The following SP7 variants were observed in gnomAD, a reference collection of about 807,000 sequenced individuals.
The protein encoded by SP7 is transcription factor Sp7.
A neutral mutation model predicts 27.9 loss-of-function variants in SP7; 13 were observed. The ratio of observed to expected loss-of-function variants is 0.47; its 90% CI spans 0.30 to 0.74. SP7 has a LOEUF of 0.74. SP7 is among the 30% of genes least tolerant of loss of function. The pLI is 0.06. For missense variants in SP7, 525 were observed against 558.0 expected (o/e 0.94, Z 0.60); for synonymous variants, 219 against 226.7 (o/e 0.97, Z 0.31).
Position 53,328,221 on chromosome 12 carries a change from T to C in SP7, c.1221A>G (p.Arg407=), listed in dbSNP as rs769108251. ...CTGGGGTTGCTGGCGAGGCAGAAGG[T>C]CGGGGCGTCTGACTGGCCTCCTCTT... ...TGEEEASQTP[R]PSASPATPEK... Residue 407 remains arginine, a synonymous_variant, in exon 3 of 3, where the codon CGA becomes CGG. Transcript: ENST00000536324. The surrounding 1 kb of genome is among the most constrained non-coding windows in gnomAD (Gnocchi z 5.1). 19 of 1,612,866 alleles carry C rather than the reference T, an allele frequency of 1.2e-5. No homozygotes were observed. The highest frequency in any genetic ancestry group is 1.3e-5 in the African/African-American group (1 of 74,828).
chr12:53,335,700 CGGGGGGTG>C lies in SP7; in HGVS notation c.-47-15_-47-8del. On this transcript the variant is annotated splice_polypyrimidine_tract_variant and splice_region_variant and intron_variant, in intron 1 of 2. Transcript: ENST00000536324. ...GCCAGGCAGATGGAGAGAGCTGAGCCGGGGGGTGGGGGGGGTAGAGAGAGAAAAGGGAG... is the reference window on the plus strand; with the variant it reads ...GCCAGGCAGATGGAGAGAGCTGAGCCGGGGGGGTAGAGAGAGAAAAGGGAG... 9 of 117,278 alleles carry C rather than the reference CGGGGGGTG, an allele frequency of 7.7e-5. No individual in the cohort carries two copies. The highest frequency in any genetic ancestry group is 1.1e-4 in the Non-Finnish European group (9 of 82,326). The allele number at this position is 117,278 out of a possible 1,614,324, so 7.3% of individuals were successfully genotyped here.
upstream of SP7, among the ~76,000 whole-genome samples, chr12:53,340,563 C>A (rs1276773740): frequency 6.6e-6 from 1 of 152,156 alleles, no homozygotes; most frequent in Admixed American, 6.5e-5. Flanking sequence ...CCCAGGCCCC[C>A]GCTGCTCTGC....
At chr12:53,332,476 G>A (rs1442813842) in intron 2 of SP7, among the ~76,000 whole-genome samples, 1 of 152,144 alleles carries the variant, frequency 6.6e-6, no homozygotes, top group Non-Finnish European at 1.5e-5. Context: ...TCCTCAGGAG[G>A]CTGAGATGGG....
intron 2 of SP7, among the ~76,000 whole-genome samples, chr12:53,330,461 C>G (rs1039714729): frequency 6.6e-6 from 1 of 152,138 alleles, no homozygotes; most frequent in Non-Finnish European, 1.5e-5. Context: ...GGGCTCCAAG[C>G]GATCCTCCAC....
chr12:53,338,106 C>CAGAGGAGGAGGAGGAGGAGGA (rs767126357), upstream of SP7, among the ~76,000 whole-genome samples: 1 of 136,226 alleles, frequency 7.3e-6, no homozygotes, highest in Non-Finnish European at 1.6e-5. Flanking sequence ...TAGCCAGGTC[C>CAGAGGAGGAGGAGGAGGAGGA]GGAGGAGGAG....
At position 53,328,531 on chromosome 12, in the gene SP7, A is replaced by G; in HGVS notation, c.911T>C (p.Val304Ala). Residue 304 changes from valine to alanine, a missense_variant, in exon 3 of 3, where the codon GTG (valine) becomes GCG (alanine). Val to Ala is a moderately conservative substitution (Grantham distance 64). Transcript: ENST00000536324. The surrounding 1 kb of genome is among the most constrained non-coding windows in gnomAD (Gnocchi z 5.1). ...CTTCAGGTGCGAAGCCTTGCCATAC[A>G]CCTTGCCGCAGCCAGGGATGTGGCA... ...HSCHIPGCGKVYGKASHLKAH... is the reference protein window; with the variant it reads ...HSCHIPGCGKAYGKASHLKAH... 6.2e-7 allele frequency: 1 copy of G among 1,612,992 alleles called. No individual in the cohort carries two copies. The highest frequency in any genetic ancestry group is 8.5e-7 in the Non-Finnish European group (1 of 1,179,236).
chr12:53,329,774 C>T (rs1390598580), intron 2 of SP7, among the ~76,000 whole-genome samples: 3 of 152,048 alleles, frequency 2.0e-5, no homozygotes, highest in African/African-American at 7.3e-5. Flanking sequence ...TGTTGTCGCC[C>T]AGGTTGGAGT....
rs756922026 is a variant in SP7 at position 53,328,341 on chromosome 12, G to A, written c.1101C>T (p.Asp367=). ...GGGTGCGCTGGTGTTTGCTCAGGTG[G>A]TCGCTTCGGGTAAAGCGCTTGGAGC... ...LLCSKRFTRS[D]HLSKHQRTHG... The change falls in exon 3 of 3, where the codon GAC becomes GAT. Residue 367 remains aspartate (D), a synonymous_variant. Transcript: ENST00000536324. The surrounding 1 kb of genome is among the most constrained non-coding windows in gnomAD (Gnocchi z 5.1). 34 of 1,612,310 alleles carry A rather than the reference G, an allele frequency of 2.1e-5. No homozygotes were observed. The highest frequency in any genetic ancestry group is 2.9e-5 in the Non-Finnish European group (34 of 1,178,700).
upstream of SP7, among the ~76,000 whole-genome samples, chr12:53,339,273 TG>T (rs1314086373): frequency 6.6e-6 from 1 of 152,160 alleles, no homozygotes; most frequent in Non-Finnish European, 1.5e-5. Flanking sequence ...ATGCCAGGAC[TG>T]GGCTGAACCA....
chr12:53,329,626 A>C (rs567281772), intron 2 of SP7, among the ~76,000 whole-genome samples: 2 of 152,294 alleles, frequency 1.3e-5, no homozygotes, highest in Admixed American at 6.5e-5. Flanking sequence ...GGGAAGAAGA[A>C]CAGAGGCCCA....
Position 53,329,270 on chromosome 12 carries a change from T to G in SP7, c.172A>C (p.Lys58Gln), listed in dbSNP as rs898163468. Residue 58 changes from lysine (K) to glutamine (Q), a missense_variant, in exon 3 of 3, where the codon AAA becomes CAA. By Grantham distance (53) the Lys-to-Gln change is moderately conservative. Coordinates refer to ENST00000536324, the MANE Select transcript of SP7 (RefSeq NM_001173467.3). ...YSVGSDLSAS[K>Q]TMGDAYPAPF... is the part of the protein sequence containing the mutation. ...GCTGGATAAGCATCCCCCATGGTTT[T>G]GGAGGCTGAAAGGTCACTGCCCACA... The G allele has an allele frequency of 2.5e-6, 4 of 1,613,722 alleles. No individual in the cohort carries two copies. The African/African-American group carries it at 5.3e-5, about 22-fold the overall frequency.
upstream of SP7, among the ~76,000 whole-genome samples, chr12:53,337,359 T>A (rs1013992462): frequency 2.6e-5 from 4 of 152,158 alleles, no homozygotes; most frequent in Non-Finnish European, 5.9e-5. Flanking sequence ...GGCAGCCAGG[T>A]TAGGAGGGAA....
In SP7 at chr12:53,335,711, G is replaced by T; in HGVS notation, c.-47-18C>A. ...GGAGAGAGCTGAGCCGGGGGGTGGG[G>T]GGGGTAGAGAGAGAAAAGGGAGAGG... On this transcript the variant is annotated intron_variant, in intron 1 of 2. Coordinates refer to ENST00000536324, the MANE Select transcript of SP7 (RefSeq NM_001173467.3). The T allele has an allele frequency of 7.3e-7, 1 of 1,377,646 alleles. No individual in the cohort carries two copies. Among genetic ancestry groups the T allele is most frequent in the Non-Finnish European group, 9.6e-7 (1 of 1,037,684 alleles). 85.3% of individuals were successfully genotyped at this position (1,377,646 alleles called of 1,614,324 possible). A position where few individuals can be genotyped will look rare whatever the true frequency, so the allele number is the denominator to read the frequency against.
chr12:53,336,557 A>T (rs1944774196), upstream of SP7, among the ~76,000 whole-genome samples: 1 of 151,992 alleles, frequency 6.6e-6, no homozygotes, highest in Non-Finnish European at 1.5e-5. Flanking sequence ...ACACAGTACC[A>T]CTCACATGGG....
upstream of SP7, among the ~76,000 whole-genome samples, chr12:53,338,106 CGGAGGAGGAGGA>C (rs56061756): frequency 3.7e-5 from 5 of 136,296 alleles, no homozygotes; most frequent in Non-Finnish European, 7.9e-5. Context: ...TAGCCAGGTC[CGGAGGAGGAGGA>C]GGAGGAGGAG....
chr12:53,330,162 C>A (rs1470186791), intron 2 of SP7, among the ~76,000 whole-genome samples: 1 of 152,178 alleles, frequency 6.6e-6, no homozygotes, highest in Non-Finnish European at 1.5e-5. Flanking sequence ...AATTCTCCTG[C>A]CTCAGCCTCC....
At chr12:53,339,484 G>A (rs1944803474), upstream of SP7, among the ~76,000 whole-genome samples, 1 of 151,148 alleles carries the variant, frequency 6.6e-6, no homozygotes, top group South Asian at 2.1e-4. Context: ...CCAGCGCTTT[G>A]GGAGGCCAAG....
At chr12:53,330,504 A>G (rs574873771) in intron 2 of SP7, among the ~76,000 whole-genome samples, 4 of 152,268 alleles carry the variant, frequency 2.6e-5, no homozygotes, top group African/African-American at 9.6e-5. Flanking sequence ...GACTACAGGC[A>G]CACACCAGGG....
At chr12:53,342,037 G>T (rs1444057774) in intron 1 of SP7, among the ~76,000 whole-genome samples, 1 of 148,032 alleles carries the variant, frequency 6.8e-6, no homozygotes, top group African/African-American at 2.5e-5. Flanking sequence ...CAGCCTGGGC[G>T]ACAGAGCGAG....
Sources: gnomAD v4.1 joint callset for allele counts (sites outside exome capture counted in the v4.1 genomes callset) on GRCh38, gnomAD v4.1.1 for gene constraint, Gnocchi (gnomAD v3.1) non-coding constraint, MANE v1.5 for transcripts, NCBI Gene and HGNC (gene_info 2026-07-23, HGNC 2026-07-21) for gene names.